The following RPS6KC1 variants were observed in gnomAD, a reference collection of about 807,000 sequenced individuals.
RPS6KC1 encodes inactive ribosomal protein S6 kinase delta-1.
A neutral mutation model predicts 103.8 loss-of-function variants in RPS6KC1; 54 were observed. That is an observed-to-expected ratio of 0.52 (90% CI 0.42 to 0.65). The LOEUF (loss-of-function observed/expected upper bound fraction) is 0.65, where lower values mean the gene tolerates loss of function less well. Among genes scored for constraint, RPS6KC1 ranks in the 30% least tolerant of loss-of-function variants. RPS6KC1 has a pLI of 0.00. For missense variants in RPS6KC1, 1,151 were observed against 1,253.8 expected, an observed-to-expected ratio of 0.92 and a Z score of 1.24; for synonymous variants, 439 against 438.7, an observed-to-expected ratio of 1.00 and a Z score of -0.01.
At chr1:213,453,953 G>A in the RPS6KC1 span, among the ~76,000 whole-genome samples, 2 of 152,144 alleles carry the variant, frequency 1.3e-5, no homozygotes, top group African/African-American at 2.4e-5. Context: ...GACAAACCAT[G>A]TAGCCTAAAA....
chr1:213,205,392 A>C (rs2093309356), intron 8 of RPS6KC1: 5 of 984,614 alleles, frequency 5.1e-6, no homozygotes, highest in Non-Finnish European at 6.0e-6. Flanking sequence ...GTGATAAGGT[A>C]ATGCATGAAG....
At chr1:213,813,148 G>A in the RPS6KC1 span, among the ~76,000 whole-genome samples, 1 of 151,996 alleles carries the variant, frequency 6.6e-6, no homozygotes. Flanking sequence ...CTACTTGGGA[G>A]GCTGAGGCAG....
the RPS6KC1 span, among the ~76,000 whole-genome samples, chr1:213,845,641 T>G: frequency 2.0e-5 from 3 of 152,180 alleles, no homozygotes; most frequent in Non-Finnish European, 2.9e-5. Context: ...GGACATTATA[T>G]TAGCAACTTT....
At chr1:213,276,260 C>T (rs978415317), downstream of RPS6KC1, among the ~76,000 whole-genome samples, 12 of 152,244 alleles carry the variant, frequency 7.9e-5, no homozygotes, top group African/African-American at 2.9e-4. Context: ...GCATATTTAT[C>T]GGATTCACTT....
the RPS6KC1 span, among the ~76,000 whole-genome samples, chr1:213,604,238 T>C: frequency 7.6e-4 from 116 of 152,372 alleles, no homozygotes; most frequent in African/African-American, 2.4e-3. Flanking sequence ...AAACAGGAAT[T>C]TCATTTTACA....
the RPS6KC1 span, among the ~76,000 whole-genome samples, chr1:213,824,378 C>T: frequency 6.6e-6 from 1 of 152,328 alleles, no homozygotes; most frequent in Admixed American, 6.5e-5. Flanking sequence ...GTTAGCTTAG[C>T]TCCATCTGGT....
rs1014518697 is a variant in RPS6KC1 at position 213,262,873 on chromosome 1, C to G, written c.3090+57C>G. On this transcript the variant is annotated intron_variant, in intron 14 of 14. Transcript: ENST00000366960. ...CAACCATGCAGATTAGCAGAGCCCACAACTCCAAAACCTTAAAAAGAGATT... is the reference window on the plus strand; with the variant it reads ...CAACCATGCAGATTAGCAGAGCCCAGAACTCCAAAACCTTAAAAAGAGATT... The G allele has an allele frequency of 7.9e-6, 8 of 1,014,434 alleles. No homozygotes were observed. In the East Asian group the frequency reaches 1.9e-4, roughly 24 times the overall value. 62.8% of individuals were successfully genotyped at this position (1,014,434 alleles called of 1,614,324 possible). A position where few individuals can be genotyped will look rare whatever the true frequency, so the allele number is the denominator to read the frequency against.
the RPS6KC1 span, among the ~76,000 whole-genome samples, chr1:213,657,770 A>T: frequency 1.3e-5 from 2 of 152,214 alleles, no homozygotes; most frequent in East Asian, 3.8e-4. Context: ...CTCTTACAAC[A>T]CTAGAGTCAT....
intron 6 of RPS6KC1, among the ~76,000 whole-genome samples, chr1:213,147,561 G>A (rs377146470): frequency 2.0e-5 from 3 of 152,308 alleles, no homozygotes; most frequent in African/African-American, 7.2e-5. Flanking sequence ...CTATGTGTCT[G>A]TTTTGATGCT....
chr1:213,596,544 A>G, the RPS6KC1 span, among the ~76,000 whole-genome samples: 2 of 152,222 alleles, frequency 1.3e-5, no homozygotes, highest in Non-Finnish European at 2.9e-5. Context: ...ACATGTGTCC[A>G]CTTTGTCAGG....
At chr1:213,260,155 T>C (rs2094751345) in intron 12 of RPS6KC1, among the ~76,000 whole-genome samples, 1 of 152,240 alleles carries the variant, frequency 6.6e-6, no homozygotes, top group Non-Finnish European at 1.5e-5. Flanking sequence ...ATTTTATAAA[T>C]GCAAATAGTT....
At chr1:213,714,031 C>T in the RPS6KC1 span, among the ~76,000 whole-genome samples, 1 of 152,224 alleles carries the variant, frequency 6.6e-6, no homozygotes, top group Non-Finnish European at 1.5e-5. Context: ...TCTGCCTTGG[C>T]AGATGATAAC....
the RPS6KC1 span, among the ~76,000 whole-genome samples, chr1:213,705,783 G>C: frequency 6.6e-6 from 1 of 152,148 alleles, no homozygotes; most frequent in Admixed American, 6.5e-5. Context: ...AGGGCCCAAG[G>C]ACTCTCCAGT....
intron 8 of RPS6KC1, among the ~76,000 whole-genome samples, chr1:213,179,349 A>C (rs2092108606): frequency 6.6e-6 from 1 of 151,346 alleles, no homozygotes; most frequent in African/African-American, 2.4e-5. Flanking sequence ...CGGGAGGTGG[A>C]GGTTGCAGCG....
chr1:213,158,059 T>G (rs188632017), intron 6 of RPS6KC1, among the ~76,000 whole-genome samples: 1 of 152,312 alleles, frequency 6.6e-6, no homozygotes, highest in Middle Eastern at 3.4e-3. Flanking sequence ...TGAATCAATG[T>G]ATATCTTCTA....
chr1:213,503,269 A>G, the RPS6KC1 span, among the ~76,000 whole-genome samples: 6 of 152,130 alleles, frequency 3.9e-5, no homozygotes, highest in Admixed American at 2.0e-4. Flanking sequence ...CCTCAATTTG[A>G]ATTCCTGGGA....
rs768792578 is a variant in RPS6KC1, at chr1:213,242,192, A to G, written c.2716A>G (p.Ile906Val). The change falls in exon 11 of 15, where the codon ATT (isoleucine) becomes GTT (valine). Residue 906 changes from isoleucine (I) to valine (V), a missense_variant. This residue lies in a region of RPS6KC1 where 189 missense variants were observed against 228.8 expected (regional missense o/e 0.83). Transcript: ENST00000366960. Reference sequence around the variant, plus strand: ...CAGGTTTTACATCCCAGAGGGCTGCATTCAAAGATGGGCAGCTGAAATGGT... The same window carrying G: ...CAGGTTTTACATCCCAGAGGGCTGCGTTCAAAGATGGGCAGCTGAAATGGT... ...ASRFYIPEGC[I>V]QRWAAEMVVA... 18 of 1,613,886 alleles carry G rather than the reference A, an allele frequency of 1.1e-5. No homozygotes were observed. The South Asian group carries it at 1.9e-4, about 17-fold the overall frequency.
At chr1:213,536,087 A>G in the RPS6KC1 span, among the ~76,000 whole-genome samples, 3 of 152,160 alleles carry the variant, frequency 2.0e-5, no homozygotes, top group Non-Finnish European at 2.9e-5. Context: ...TTTAGGAGGC[A>G]TCTGCTAGAG....
the RPS6KC1 span, among the ~76,000 whole-genome samples, chr1:213,723,336 G>A: frequency 6.6e-6 from 1 of 152,174 alleles, no homozygotes; most frequent in African/African-American, 2.4e-5. Context: ...TCACAGACAG[G>A]GTGGCTTGAA....
Sources: allele counts gnomAD v4.1 joint callset (sites outside exome capture counted in the v4.1 genomes callset), GRCh38; gene constraint gnomAD v4.1.1; regional missense constraint gnomAD v4.1.1; transcripts MANE v1.5; gene names NCBI Gene and HGNC (gene_info 2026-07-23, HGNC 2026-07-21).